KCNMA1: variants seen among roughly 807,000 people sequenced by gnomAD.
KCNMA1 encodes the protein Calcium-activated potassium channel subunit alpha-1.
A neutral mutation model predicts 140.0 loss-of-function variants in KCNMA1; 29 were observed. The observed-to-expected ratio is 0.21, with a 90% confidence interval of 0.15 to 0.28. KCNMA1 has a LOEUF of 0.28. Ranked by LOEUF, KCNMA1 falls within the 10% of genes least tolerant of loss-of-function variation. KCNMA1 has a pLI of 1.00. For synonymous variants in KCNMA1, 612 were observed against 611.9 expected, an observed-to-expected ratio of 1.00 and a Z score of 0.00; for missense variants, 880 against 1,602.2, an observed-to-expected ratio of 0.55 and a Z score of 7.70.
At chr10:77,071,404 C>G (rs2096206216) in intron 14 of KCNMA1, 1 of 152,208 alleles carries the variant, frequency 6.6e-6, no homozygotes, top group Non-Finnish European at 1.5e-5. Context: ...GTGCTTGGTC[C>G]CATGGGCCAT....
intron 2 of KCNMA1, among the ~76,000 whole-genome samples, chr10:77,285,971 A>AT (rs1449788251): frequency 3.3e-5 from 5 of 152,200 alleles, no homozygotes; most frequent in African/African-American, 1.2e-4. Flanking sequence ...TGTTTACAAG[A>AT]TGAAGGAGGA....
intron 14 of KCNMA1, among the ~76,000 whole-genome samples, chr10:77,051,648 G>C (rs1334763445): frequency 6.6e-6 from 1 of 152,176 alleles, no homozygotes; most frequent in African/African-American, 2.4e-5. Context: ...TTTCCTTTGA[G>C]GAGGAAACCA....
At chr10:77,484,329 C>T (rs190958102) in intron 1 of KCNMA1, among the ~76,000 whole-genome samples, 118 of 152,320 alleles carry the variant, frequency 7.7e-4, no homozygotes, top group African/African-American at 2.8e-3. Context: ...CACAGAGCTA[C>T]TGAAAGAAGG....
intron 6 of KCNMA1, among the ~76,000 whole-genome samples, chr10:77,120,275 G>A (rs2097566497): frequency 6.6e-6 from 1 of 152,084 alleles, no homozygotes; most frequent in Non-Finnish European, 1.5e-5. Context: ...GGCCAGCTCT[G>A]CAAGCCGGCA....
intron 14 of KCNMA1, among the ~76,000 whole-genome samples, chr10:77,048,546 C>T (rs1286719708): frequency 1.3e-5 from 2 of 152,178 alleles, no homozygotes; most frequent in Non-Finnish European, 1.5e-5. Context: ...ATGTTGAAGG[C>T]ACAGATTTTT....
intron 2 of KCNMA1, among the ~76,000 whole-genome samples, chr10:77,385,896 A>G (rs1377719631): frequency 6.6e-6 from 1 of 152,204 alleles, no homozygotes; most frequent in African/African-American, 2.4e-5. Context: ...GGGAGATGGG[A>G]CAAATGAGGA....
rs61868839 is a variant in KCNMA1 at position 77,070,445 on chromosome 10, G to A, written c.1749+2652C>T. On this transcript the variant is annotated intron_variant, in intron 14 of 27. Coordinates refer to ENST00000286628, the MANE Select transcript of KCNMA1 (RefSeq NM_001161352.2). Reference sequence around the variant, plus strand: ...GCCGCACCAAAAAACAGACACGACCGGCCTAGGGGAAGGGAGAGGGTGAGC... The same window carrying A: ...GCCGCACCAAAAAACAGACACGACCAGCCTAGGGGAAGGGAGAGGGTGAGC... Among the ~76,000 whole-genome samples the A allele has an allele frequency of 5.6e-3, 852 of 152,212 alleles. 4 individuals carry two copies. Among genetic ancestry groups the A allele is most frequent in the Non-Finnish European group, 9.4e-3 (639 of 68,006 alleles).
At chr10:77,431,658 T>C (rs1036549271) in intron 1 of KCNMA1, among the ~76,000 whole-genome samples, 2 of 123,754 alleles carry the variant, frequency 1.6e-5, no homozygotes, top group African/African-American at 3.1e-5. Context: ...ATTTGCAGCA[T>C]GCCCCTGAAG....
At chr10:77,565,391 A>G (rs954163297) in intron 1 of KCNMA1, among the ~76,000 whole-genome samples, 12 of 79,160 alleles carry the variant, frequency 1.5e-4, no homozygotes, top group Non-Finnish European at 2.5e-4. Flanking sequence ...TCTTTTCAAC[A>G]CTTTTATAAG....
At chr10:77,611,326 G>C (rs978657786) in intron 1 of KCNMA1, among the ~76,000 whole-genome samples, 13 of 152,358 alleles carry the variant, frequency 8.5e-5, no homozygotes, top group Middle Eastern at 6.8e-3. Context: ...GCCCTCCAGA[G>C]CTGCAGCAGC....
At chr10:77,109,956 G>A (rs551132305) in intron 8 of KCNMA1, among the ~76,000 whole-genome samples, 16 of 152,248 alleles carry the variant, frequency 1.1e-4, no homozygotes, top group Admixed American at 5.2e-4. Context: ...GGCTGTCCCC[G>A]ACAAGGGCAA....
chr10:76,870,889 A>G (rs1304064613), exon 28 of KCNMA1: 1 of 152,236 alleles, frequency 6.6e-6, no homozygotes, highest in African/African-American at 2.4e-5. Context: ...CTTGTGCCTC[A>G]CCATCTCCAA....
chr10:77,123,837 G>T (rs2097679304), intron 5 of KCNMA1, among the ~76,000 whole-genome samples: 1 of 152,104 alleles, frequency 6.6e-6, no homozygotes, highest in African/African-American at 2.4e-5. Flanking sequence ...TAAAATAAGG[G>T]TTAGTTGAAC....
chr10:77,079,231 T>C (rs2096491499), intron 13 of KCNMA1, among the ~76,000 whole-genome samples: 3 of 151,778 alleles, frequency 2.0e-5, no homozygotes, highest in South Asian at 2.1e-4. Flanking sequence ...GATCATGCCA[T>C]TGCACTCCAG....
rs572793500 is a variant in KCNMA1, at chr10:77,283,650, T to C, written c.541-32394A>G. Reference sequence around the variant, plus strand: ...GCATTGAGGGAAGAATGGCAGAACGTGGGTGTTTACAAACACTTCTGTCCA... The same window carrying C: ...GCATTGAGGGAAGAATGGCAGAACGCGGGTGTTTACAAACACTTCTGTCCA... On this transcript the variant is annotated intron_variant, in intron 2 of 27. Transcript: ENST00000286628. Among the ~76,000 whole-genome samples, 17 of 152,326 alleles carry C rather than the reference T, an allele frequency of 1.1e-4. No homozygotes were observed. The South Asian group carries it at 3.5e-3, about 32-fold the overall frequency.
chr10:76,934,766 C>G (rs2060118752), intron 23 of KCNMA1, among the ~76,000 whole-genome samples: 1 of 152,172 alleles, frequency 6.6e-6, no homozygotes, highest in Admixed American at 6.5e-5. Context: ...CTTTACTTCT[C>G]TCTGATTCTA....
chr10:76,987,044 G>T (rs2081444979), intron 19 of KCNMA1, among the ~76,000 whole-genome samples: 1 of 147,552 alleles, frequency 6.8e-6, no homozygotes, highest in South Asian at 2.2e-4. Context: ...AAGAAAGGAA[G>T]ATCTCTAGCC....
chr10:77,401,899 T>G (rs999949479), intron 2 of KCNMA1, among the ~76,000 whole-genome samples: 1 of 152,178 alleles, frequency 6.6e-6, no homozygotes, highest in Non-Finnish European at 1.5e-5. Flanking sequence ...TTATCCTCCA[T>G]GCATTCCTTC....
At chr10:77,160,346 AG>A (rs1389225272) in intron 5 of KCNMA1, among the ~76,000 whole-genome samples, 2 of 152,152 alleles carry the variant, frequency 1.3e-5, no homozygotes, top group Non-Finnish European at 2.9e-5. Flanking sequence ...CACTCCACTT[AG>A]TTAAGGCTTT....
Sources: allele counts gnomAD v4.1 joint callset (sites outside exome capture counted in the v4.1 genomes callset), GRCh38; gene constraint gnomAD v4.1.1; transcripts MANE v1.5; gene names NCBI Gene and HGNC (gene_info 2026-07-23, HGNC 2026-07-21).